KLF12: variants seen among roughly 807,000 people sequenced by gnomAD.
The protein encoded by KLF12 is KLF transcription factor 12.
Under a neutral mutation model 37.8 loss-of-function variants are expected in KLF12, and 9 were observed. The ratio of observed to expected loss-of-function variants is 0.24; its 90% CI spans 0.14 to 0.42. The LOEUF (loss-of-function observed/expected upper bound fraction) is 0.42, where lower values mean the gene tolerates loss of function less well. Ranked by LOEUF, KLF12 falls within the 10% of genes least tolerant of loss-of-function variation. KLF12 has a pLI of 1.00. For synonymous variants in KLF12, 208 were observed against 202.1 expected (o/e 1.03, Z -0.25); for missense variants, 411 against 516.0 (o/e 0.80, Z 1.97).
At chr13:73,965,462 A>G (rs968447140) in intron 2 of KLF12, among the ~76,000 whole-genome samples, 3 of 152,122 alleles carry the variant, frequency 2.0e-5, no homozygotes, top group African/African-American at 7.2e-5. Context: ...TTACCTCTGT[A>G]CAGTCCTCTA....
At chr13:73,758,744 T>A (rs764273432) in intron 6 of KLF12, among the ~76,000 whole-genome samples, 14 of 152,192 alleles carry the variant, frequency 9.2e-5, no homozygotes, top group Non-Finnish European at 1.6e-4. Flanking sequence ...CAGAAAATTA[T>A]CTACTTTAAT....
At chr13:74,120,598 C>A (rs1433846867) in intron 1 of KLF12, among the ~76,000 whole-genome samples, 1 of 151,818 alleles carries the variant, frequency 6.6e-6, no homozygotes, top group African/African-American at 2.4e-5. Context: ...CTGGAACTAG[C>A]AAAAATATGA....
chr13:74,089,426 G>GA (rs993027109), intron 1 of KLF12, among the ~76,000 whole-genome samples: 2 of 151,996 alleles, frequency 1.3e-5, no homozygotes, highest in African/African-American at 4.8e-5. Context: ...ATAGACCCAT[G>GA]AAAAAATAAC....
chr13:73,938,495 C>T lies in KLF12; in HGVS notation c.123+5486G>A, dbSNP rs531929816. On this transcript the variant is annotated intron_variant, in intron 3 of 7. Transcript: ENST00000377669. ...ATCCTCTCAATTCCAGTGTGGCAAACAGCCTCTCACTTACAACAAATAGCA... is the reference window on the plus strand; with the variant it reads ...ATCCTCTCAATTCCAGTGTGGCAAATAGCCTCTCACTTACAACAAATAGCA... Among the ~76,000 whole-genome samples, 3 of 152,290 alleles carry T rather than the reference C, an allele frequency of 2.0e-5. No individual in the cohort carries two copies. In the East Asian group the frequency reaches 5.8e-4, roughly 29 times the overall value.
intron 2 of KLF12, among the ~76,000 whole-genome samples, chr13:73,958,435 GT>G (rs1424801859): frequency 6.6e-6 from 1 of 151,928 alleles, no homozygotes; most frequent in Non-Finnish European, 1.5e-5. Context: ...TAGAGACAGG[GT>G]TTCACCATGT....
At chr13:74,045,306 A>G (rs530591535) in intron 1 of KLF12, among the ~76,000 whole-genome samples, 12 of 152,290 alleles carry the variant, frequency 7.9e-5, no homozygotes, top group Admixed American at 6.5e-5. Context: ...CACTTTACCT[A>G]TGTGGTCCTC....
At chr13:74,229,597 A>G in the KLF12 span, among the ~76,000 whole-genome samples, 23,028 of 152,184 alleles carry the variant, frequency 0.15, 2,436 homozygotes, top group African/African-American at 0.3. Context: ...AAAGAAAACT[A>G]TTCACTTATA....
chr13:74,210,307 C>T, the KLF12 span, among the ~76,000 whole-genome samples: 1 of 152,212 alleles, frequency 6.6e-6, no homozygotes, highest in African/African-American at 2.4e-5. Context: ...AGCTTCTCTT[C>T]TTTTAAATTT....
At chr13:74,241,379 G>A in the KLF12 span, among the ~76,000 whole-genome samples, 1 of 152,158 alleles carries the variant, frequency 6.6e-6, no homozygotes, top group African/African-American at 2.4e-5. Context: ...AGTCTGCAGA[G>A]GTTACTGCTG....
intron 1 of KLF12, among the ~76,000 whole-genome samples, chr13:74,093,013 G>T (rs1434961159): frequency 6.6e-6 from 1 of 152,186 alleles, no homozygotes; most frequent in Non-Finnish European, 1.5e-5. Context: ...GGGGAACCAG[G>T]TGGAATTTAA....
At chr13:73,969,924 T>C (rs1333227325) in intron 2 of KLF12, among the ~76,000 whole-genome samples, 1 of 152,222 alleles carries the variant, frequency 6.6e-6, no homozygotes, top group African/African-American at 2.4e-5. Flanking sequence ...ACCTATCTTT[T>C]GTTCTTAACA....
rs1879816140 is a variant in KLF12, at chr13:73,765,006, G to A, written c.807-6C>T. ...ATACTGGGGACGGATGTACCCTGTA[G>A]ACAGAGAAGAATAATCCAGTCATTG... is the stretch of plus-strand genomic sequence containing the variant. On this transcript the variant is annotated splice_region_variant and splice_polypyrimidine_tract_variant and intron_variant, in intron 5 of 7. Transcript: ENST00000377669. 6.6e-7 allele frequency: 1 copy of A among 1,514,868 alleles called. No homozygotes were observed. Among genetic ancestry groups the A allele is most frequent in the Non-Finnish European group, 9.1e-7 (1 of 1,103,804 alleles). The allele number at this position is 1,514,868 out of a possible 1,614,324, so 93.8% of individuals were successfully genotyped here.
chr13:74,224,724 A>C, the KLF12 span, among the ~76,000 whole-genome samples: 3 of 152,174 alleles, frequency 2.0e-5, no homozygotes, highest in African/African-American at 7.2e-5. Context: ...AAACTGTCTT[A>C]TAACCAGTTC....
At chr13:73,780,357 T>C (rs1880885241) in intron 5 of KLF12, among the ~76,000 whole-genome samples, 1 of 152,194 alleles carries the variant, frequency 6.6e-6, no homozygotes, top group African/African-American at 2.4e-5. Flanking sequence ...GCGTACACTG[T>C]ACCCAGTGTG....
At chr13:73,718,586 G>A (rs995992524) in intron 6 of KLF12, among the ~76,000 whole-genome samples, 15 of 152,196 alleles carry the variant, frequency 9.9e-5, no homozygotes, top group Middle Eastern at 3.4e-3. Flanking sequence ...GTGAAACTCC[G>A]TCTCTACCAA....
chr13:73,789,658 T>C (rs1012387604), intron 5 of KLF12, among the ~76,000 whole-genome samples: 2 of 151,232 alleles, frequency 1.3e-5, no homozygotes, highest in Non-Finnish European at 2.9e-5. Context: ...TAGTCCCAAA[T>C]ACACTATCTC....
At chr13:73,768,477 C>T (rs1272298132) in intron 5 of KLF12, among the ~76,000 whole-genome samples, 1 of 152,076 alleles carries the variant, frequency 6.6e-6, no homozygotes, top group Admixed American at 6.5e-5. Context: ...AGAAAACAAA[C>T]CAAGAAATAA....
chr13:73,925,898 G>C (rs1889352611), intron 3 of KLF12, among the ~76,000 whole-genome samples: 2 of 152,300 alleles, frequency 1.3e-5, no homozygotes, highest in Non-Finnish European at 2.9e-5. Flanking sequence ...GGTGGAAATA[G>C]CAAGAGAACT....
At chr13:73,867,427 T>TAC (rs1272403557) in intron 3 of KLF12, among the ~76,000 whole-genome samples, 1 of 151,828 alleles carries the variant, frequency 6.6e-6, no homozygotes, top group African/African-American at 2.4e-5. Context: ...TATATATATA[T>TAC]ATACACACAT....
Sources: allele counts gnomAD v4.1 joint callset (sites outside exome capture counted in the v4.1 genomes callset), GRCh38; gene constraint gnomAD v4.1.1; transcripts MANE v1.5; gene names NCBI Gene and HGNC (gene_info 2026-07-23, HGNC 2026-07-21).